Variants in NTRK1 observed in about 807,000 individuals in gnomAD.
NTRK1 encodes high affinity nerve growth factor receptor.
A neutral mutation model predicts 86.8 loss-of-function variants in NTRK1; 62 were observed. The ratio of observed to expected loss-of-function variants is 0.71; its 90% CI spans 0.58 to 0.88. NTRK1 has a LOEUF of 0.88. Ranked by LOEUF, NTRK1 falls within the 40% of genes least tolerant of loss-of-function variation. The pLI, the probability that NTRK1 is intolerant of heterozygous loss-of-function variation, is 0.00. For synonymous variants in NTRK1, 469 were observed against 456.6 expected (o/e 1.03, Z -0.35); for missense variants, 967 against 1,078.4 (o/e 0.90, Z 1.45).
In NTRK1 at chr1:156,815,988, C is replaced by A. The variant is rs1191660594; in HGVS notation, c.-64+150C>A. ...ATGAGGGAGCTGCACCACGCTGCCG[C>A]CCCAGGTTTCCACTCACCGCAGTGT... On this transcript the variant is annotated intron_variant, in intron 1 of 16. Coordinates refer to the NTRK1 transcript ENST00000392302. 4.3e-6 allele frequency: 7 copies of A among 1,612,788 alleles called. No homozygotes were observed. The Admixed American group carries it at 1.2e-4, about 27-fold the overall frequency.
upstream of NTRK1, among the ~76,000 whole-genome samples, chr1:156,855,919 G>A (rs991013571): frequency 2.2e-5 from 3 of 138,622 alleles, no homozygotes; most frequent in Admixed American, 7.0e-5. Context: ...ACTAATGTGC[G>A]TGTGTGTGTG....
chr1:156,876,695 C>A, intron 14 of NTRK1, 123 bp downstream of exon 14: 2 of 1,224,108 alleles, frequency 1.6e-6, no homozygotes, highest in Non-Finnish European at 2.3e-6. Flanking sequence ...ATCAGGAAGG[C>A]ACATTCCCGT....
intron 14 of NTRK1, among the ~76,000 whole-genome samples, chr1:156,878,069 T>C (rs942383823): frequency 6.6e-6 from 1 of 152,148 alleles, no homozygotes; most frequent in Non-Finnish European, 1.5e-5. Flanking sequence ...GAGACGAGGC[T>C]CTAACTGCTG....
At chr1:156,825,617 A>T (rs1418088022) in intron 1 of NTRK1, among the ~76,000 whole-genome samples, 2 of 152,180 alleles carry the variant, frequency 1.3e-5, no homozygotes, top group Non-Finnish European at 2.9e-5. Context: ...TTCAGTTATT[A>T]TGTGACAAAT....
intron 1 of NTRK1, among the ~76,000 whole-genome samples, chr1:156,861,441 A>C (rs957347363): frequency 2.0e-5 from 3 of 152,178 alleles, no homozygotes; most frequent in African/African-American, 7.2e-5. Flanking sequence ...GCCGTCTAGA[A>C]GGCGCTTTCT....
intron 1 of NTRK1, chr1:156,840,738 T>TCCTGTTCTCTGCC (rs1480850713): frequency 5.7e-6 from 4 of 700,290 alleles, no homozygotes; most frequent in Non-Finnish European, 1.0e-5. Context: ...CCTTCCCTGC[T>TCCTGTTCTCTGCC]CCTGTTCTCT....
rs936268492 is a variant in NTRK1, at chr1:156,874,995, G to C, written c.1341G>C (p.Lys447Asn). 13 of 1,613,368 alleles carry C rather than the reference G, an allele frequency of 8.1e-6. No homozygotes were observed. The highest frequency in any genetic ancestry group is 1.1e-5 in the Non-Finnish European group (13 of 1,179,476). ...TCAACAAATGTGGACGGAGAAACAAGTTTGGGATCAACCGTGAGTCGGGGC... is the reference window on the plus strand; with the variant it reads ...TCAACAAATGTGGACGGAGAAACAACTTTGGGATCAACCGTGAGTCGGGGC... Reference protein sequence around the residue: ...LVLNKCGRRNKFGINRPAVLA... With the variant: ...LVLNKCGRRNNFGINRPAVLA... Residue 447 changes from lysine (K) to asparagine (N), a missense_variant, in exon 11 of 17, where the codon AAG (lysine) becomes AAC (asparagine). By Grantham distance (94) the Lys-to-Asn change is moderately conservative. This residue lies in a region of NTRK1 where 637 missense variants were observed against 776.5 expected (regional missense o/e 0.82). Transcript: ENST00000524377.
rs2102905695 is a variant in NTRK1, at chr1:156,873,814, G to A, written c.1032G>A (p.Gly344=). 1 of 1,612,744 alleles carries A rather than the reference G, an allele frequency of 6.2e-7. No individual in the cohort carries two copies. Among genetic ancestry groups the A allele is most frequent in the Non-Finnish European group, 8.5e-7 (1 of 1,179,488 alleles). The part of the protein sequence containing the change: ...EPAANETVRH[G]CLRLNQPTHV... ...CAGCCAATGAGACCGTGCGGCACGG[G>A]TGTCTGCGCCTCAACCAGCCCACCC... The change falls in exon 8 of 17, where the codon GGG becomes GGA. Residue 344 remains glycine, a synonymous_variant. Coordinates refer to ENST00000524377, the MANE Select transcript of NTRK1 (RefSeq NM_002529.4).
rs139138590 is a variant in NTRK1 at position 156,862,645 on chromosome 1, G to A, written c.212+1499G>A. On this transcript the variant is annotated intron_variant, in intron 1 of 16. Transcript: ENST00000524377. ...CTCCTCACTCACCCGCAGAGCTAACGAGGAGATAATGGACTCGAATAGACA... is the reference window on the plus strand; with the variant it reads ...CTCCTCACTCACCCGCAGAGCTAACAAGGAGATAATGGACTCGAATAGACA... Among the ~76,000 whole-genome samples, 759 of 152,144 alleles carry A rather than the reference G, an allele frequency of 5.0e-3. 6 individuals are homozygous for A. Among genetic ancestry groups the A allele is most frequent in the African/African-American group, 0.016 (665 of 41,478 alleles).
At position 156,845,846 on chromosome 1, in the gene NTRK1, C is replaced by A. The variant is rs781637895; in HGVS notation, c.50+3653C>A. 11 of 1,596,216 alleles carry A rather than the reference C, an allele frequency of 6.9e-6. No homozygotes were observed. The Admixed American group carries it at 1.9e-4, about 28-fold the overall frequency. On this transcript the variant is annotated intron_variant, in intron 2 of 16. Transcript: ENST00000392302. ...CCGCAGCGGGAAGACACTAGTAAGA[C>A]AGGCGGTCTACCCGCCTCTGATCCC...
chr1:156,873,391 C>A (rs1300805828), intron 7 of NTRK1, among the ~76,000 whole-genome samples: 1 of 152,148 alleles, frequency 6.6e-6, no homozygotes, highest in Non-Finnish European at 1.5e-5. Flanking sequence ...TATGGCCCAC[C>A]ACTTATGTTC....
chr1:156,833,089 G>A (rs1654505788), intron 1 of NTRK1, among the ~76,000 whole-genome samples: 1 of 152,238 alleles, frequency 6.6e-6, no homozygotes. Flanking sequence ...GGTACACCAA[G>A]TAGGCAGCAT....
chr1:156,872,823 C>T (rs1362703556), intron 7 of NTRK1, among the ~76,000 whole-genome samples: 1 of 151,746 alleles, frequency 6.6e-6, no homozygotes, highest in African/African-American at 2.4e-5. Flanking sequence ...CTACAGGCGC[C>T]CTCCACCACG....
chr1:156,879,735 G>A (rs1433001533), intron 15 of NTRK1, among the ~76,000 whole-genome samples: 5 of 152,078 alleles, frequency 3.3e-5, no homozygotes, highest in Non-Finnish European at 4.4e-5. Context: ...TCAGCCTCCC[G>A]AGTAGCTGGG....
In NTRK1 at chr1:156,881,628, G is replaced by T. The variant is rs1170361634; in HGVS notation, c.2377G>T (p.Asp793Tyr). ...GGCCCAGGCACCTCCTGTCTACCTG[G>T]ATGTCCTGGGCTAGGGGGCCGGCCC... ...ALAQAPPVYL[D>Y]VLG Residue 793 changes from aspartate (D) to tyrosine (Y), a missense_variant, in exon 17 of 17, where the codon GAT becomes TAT. Transcript: ENST00000524377. The T allele has an allele frequency of 2.2e-5, 35 of 1,607,490 alleles. No individual in the cohort carries two copies. Among genetic ancestry groups the T allele is most frequent in the Non-Finnish European group, 2.7e-5 (32 of 1,177,646 alleles).
chr1:156,851,730 T>G (rs1253543475), intron 2 of NTRK1: 1 of 1,614,020 alleles, frequency 6.2e-7, no homozygotes, highest in Non-Finnish European at 8.5e-7. Flanking sequence ...GAGTCGATGG[T>G]CTTGGTGCCT....
In NTRK1 at chr1:156,873,926, C is replaced by G. The variant is rs569895276; in HGVS notation, c.1144C>G (p.Pro382Ala). The G allele has an allele frequency of 6.4e-7, 1 of 1,559,822 alleles. No homozygotes were observed. The highest frequency in any genetic ancestry group is 8.7e-7 in the Non-Finnish European group (1 of 1,151,284). ...CATCATGGCTGCCTTCATGGACAAC[C>G]CTTTCGAGTTCAACCCCGAGGACCC... ...ASIMAAFMDN[P>A]FEFNPEDPIP... The change falls in exon 8 of 17, where the codon CCT (proline) becomes GCT (alanine). Residue 382 changes from proline (P) to alanine (A), a missense_variant. Pro to Ala is a conservative substitution (Grantham distance 27). Coordinates refer to ENST00000524377, the MANE Select transcript of NTRK1 (RefSeq NM_002529.4).
intron 1 of NTRK1, chr1:156,816,620 G>A: frequency 4.5e-6 from 7 of 1,561,284 alleles, no homozygotes; most frequent in Non-Finnish European, 6.1e-6. Context: ...GGGAGGGCAG[G>A]GGGATGGGGG....
chr1:156,825,803 G>A (rs748209391), intron 1 of NTRK1, among the ~76,000 whole-genome samples: 2 of 152,160 alleles, frequency 1.3e-5, no homozygotes, highest in African/African-American at 4.8e-5. Flanking sequence ...GAGATATGCC[G>A]TCATGTCCAG....
Sources: allele counts gnomAD v4.1 joint callset (sites outside exome capture counted in the v4.1 genomes callset), GRCh38; gene constraint gnomAD v4.1.1; regional missense constraint gnomAD v4.1.1; transcripts MANE v1.5; gene names NCBI Gene and HGNC (gene_info 2026-07-23, HGNC 2026-07-21).